The following ROBO2 variants were observed in gnomAD, a reference collection of about 807,000 sequenced individuals.
ROBO2 encodes the protein roundabout homolog 2.
ROBO2 carries 53 observed loss-of-function variants against 160.8 expected under a neutral mutation model. The ratio of observed to expected loss-of-function variants is 0.33; its 90% CI spans 0.26 to 0.41. ROBO2 has a LOEUF of 0.41. ROBO2 is among the 10% of genes least tolerant of loss of function. ROBO2 has a pLI of 1.00. For synonymous variants in ROBO2, 664 were observed against 611.7 expected (o/e 1.09, Z -1.26); for missense variants, 1,577 against 1,722.4 (o/e 0.92, Z 1.49).
At chr3:76,288,679 C>A (rs1278030041) in intron 2 of ROBO2, among the ~76,000 whole-genome samples, 1 of 152,064 alleles carries the variant, frequency 6.6e-6, no homozygotes, top group African/African-American at 2.4e-5. Context: ...TCTATTGTTC[C>A]CGTGTTTGTG....
intron 2 of ROBO2, among the ~76,000 whole-genome samples, chr3:77,280,195 T>C (rs34915655): frequency 0.026 from 4,024 of 152,248 alleles, 55 homozygotes; most frequent in Middle Eastern, 0.048. Context: ...AAATGCATGA[T>C]CGCTAACCCA....
At chr3:76,342,627 T>C (rs2074296756) in intron 2 of ROBO2, among the ~76,000 whole-genome samples, 1 of 152,240 alleles carries the variant, frequency 6.6e-6, no homozygotes, top group East Asian at 1.9e-4. Context: ...TATATATCCT[T>C]ACAAATATAT....
At chr3:76,499,173 A>T (rs1345253299) in intron 2 of ROBO2, among the ~76,000 whole-genome samples, 1 of 152,154 alleles carries the variant, frequency 6.6e-6, no homozygotes, top group African/African-American at 2.4e-5. Context: ...TGGAGGGATG[A>T]TATTTGGAAG....
chr3:77,031,848 C>T (rs2063346433), intron 2 of ROBO2, among the ~76,000 whole-genome samples: 1 of 151,492 alleles, frequency 6.6e-6, no homozygotes, highest in African/African-American at 2.4e-5. Context: ...AACATGATAC[C>T]ACAAACTGGA....
chr3:76,965,946 G>A (rs1343581926), intron 2 of ROBO2, among the ~76,000 whole-genome samples: 2 of 141,386 alleles, frequency 1.4e-5, no homozygotes, highest in Non-Finnish European at 3.0e-5. Context: ...TTTTGAGACG[G>A]AGTTTCACTC....
At chr3:76,377,064 C>G (rs1031867579) in intron 2 of ROBO2, among the ~76,000 whole-genome samples, 1 of 152,144 alleles carries the variant, frequency 6.6e-6, no homozygotes, top group Non-Finnish European at 1.5e-5. Flanking sequence ...AAAGTAGGCC[C>G]GGGTTGGGCT....
chr3:77,090,979 G>T (rs1409972719), intron 1 of ROBO2, among the ~76,000 whole-genome samples: 3 of 152,122 alleles, frequency 2.0e-5, no homozygotes, highest in Non-Finnish European at 2.9e-5. Context: ...AGAGAAAAAT[G>T]AACACAGCAT....
chr3:76,263,620 T>C (rs890754475), intron 2 of ROBO2, among the ~76,000 whole-genome samples: 1 of 152,084 alleles, frequency 6.6e-6, no homozygotes, highest in African/African-American at 2.4e-5. Flanking sequence ...GAACAAGTAA[T>C]GAAAACTTTA....
At chr3:76,140,811 G>T (rs751595555) in intron 2 of ROBO2, among the ~76,000 whole-genome samples, 1 of 150,620 alleles carries the variant, frequency 6.6e-6, no homozygotes, top group Non-Finnish European at 1.5e-5. Flanking sequence ...GGGTGGGAGA[G>T]GAAGAGGCAA....
chr3:77,078,848 T>C (rs1208756434), intron 1 of ROBO2, among the ~76,000 whole-genome samples: 1 of 152,220 alleles, frequency 6.6e-6, no homozygotes, highest in Non-Finnish European at 1.5e-5. Flanking sequence ...TGGGTTTCTC[T>C]AGTTAGTTTG....
At chr3:76,038,174 C>T (rs950713768) in intron 2 of ROBO2, among the ~76,000 whole-genome samples, 1 of 151,914 alleles carries the variant, frequency 6.6e-6, no homozygotes, top group Non-Finnish European at 1.5e-5. Context: ...TAGAATTCTA[C>T]AAGTAGGTTT....
intron 2 of ROBO2, among the ~76,000 whole-genome samples, chr3:76,397,874 G>C (rs1183965752): frequency 6.6e-6 from 1 of 151,708 alleles, no homozygotes; most frequent in African/African-American, 2.4e-5. Flanking sequence ...TACACTGTTG[G>C]TGGGACTGTA....
intron 1 of ROBO2, among the ~76,000 whole-genome samples, chr3:77,094,259 A>G (rs2070738829): frequency 6.6e-6 from 1 of 152,164 alleles, no homozygotes; most frequent in Non-Finnish European, 1.5e-5. Flanking sequence ...TATATGGTCC[A>G]TTGCAACTAG....
intron 2 of ROBO2, among the ~76,000 whole-genome samples, chr3:77,404,049 G>T (rs114347630): frequency 0.025 from 3,758 of 152,194 alleles, 161 homozygotes; most frequent in African/African-American, 0.084. Context: ...TTTTTATTAT[G>T]AGGAAAGAAT....
intron 2 of ROBO2, among the ~76,000 whole-genome samples, chr3:77,432,780 A>C (rs2078909062): frequency 6.6e-6 from 1 of 152,136 alleles, no homozygotes; most frequent in African/African-American, 2.4e-5. Flanking sequence ...TGTAGAGATC[A>C]ATCAGGAATT....
chr3:77,341,459 T>G (rs2067050778), intron 2 of ROBO2, among the ~76,000 whole-genome samples: 1 of 152,102 alleles, frequency 6.6e-6, no homozygotes, highest in Non-Finnish European at 1.5e-5. Flanking sequence ...TTCAACCCAT[T>G]AAGTCTAATG....
At chr3:76,252,881 C>T (rs1011851998) in intron 2 of ROBO2, among the ~76,000 whole-genome samples, 2 of 151,786 alleles carry the variant, frequency 1.3e-5, no homozygotes, top group African/African-American at 4.8e-5. Context: ...GGGAGGCCTA[C>T]AGGCTGGAAA....
At chr3:76,721,732 T>TTTTATTGTCATGATCATAAGGCTGAA (rs1306943429) in intron 2 of ROBO2, among the ~76,000 whole-genome samples, 1 of 152,248 alleles carries the variant, frequency 6.6e-6, no homozygotes, top group African/African-American at 2.4e-5. Flanking sequence ...ACACTATTCT[T>TTTTATTGTCATGATCATAAGGCTGAA]TTTATTGTCA....
In ROBO2 at chr3:76,572,464, T is replaced by C. The variant is rs1486744816; in HGVS notation, c.110-525550T>C. Among the ~76,000 whole-genome samples the C allele has an allele frequency of 3.9e-5, 6 of 152,146 alleles. No individual in the cohort carries two copies. In the East Asian group the frequency reaches 1.2e-3, roughly 29 times the overall value. ...CTAGGAAGTGAGTCCTGGTGCTAAC[T>C]GGAGGAAGCTAAGAATTGTATTCTC... On this transcript the variant is annotated intron_variant, in intron 2 of 26. Transcript: ENST00000487694.
Sources: gnomAD v4.1 joint callset for allele counts (sites outside exome capture counted in the v4.1 genomes callset) on GRCh38, gnomAD v4.1.1 for gene constraint, MANE v1.5 for transcripts, NCBI Gene and HGNC (gene_info 2026-07-23, HGNC 2026-07-21) for gene names.